ITPRIP: variants seen among roughly 807,000 people sequenced by gnomAD.
The protein encoded by ITPRIP is inositol 1,4,5-trisphosphate receptor interacting protein.
Under a neutral mutation model 35.8 loss-of-function variants are expected in ITPRIP, and 32 were observed. That is an observed-to-expected ratio of 0.89 (90% CI 0.68 to 1.20). ITPRIP has a LOEUF of 1.20. Among genes scored for constraint, ITPRIP ranks in the 50% most tolerant of loss-of-function variants. The probability of loss-of-function intolerance (pLI) is 0.00; values close to 1 mark genes in which losing one functional copy is unlikely to be tolerated. For missense variants in ITPRIP, 653 were observed against 735.6 expected (o/e 0.89, Z 1.30); for synonymous variants, 358 against 324.0 (o/e 1.11, Z -1.13).
At chr10:104,329,446 G>C (rs1212219109) in intron 1 of ITPRIP, among the ~76,000 whole-genome samples, 1 of 152,122 alleles carries the variant, frequency 6.6e-6, no homozygotes, top group Non-Finnish European at 1.5e-5. Flanking sequence ...TCACAGGGAC[G>C]GAGCAATAAG....
chr10:104,336,141 A>G (rs1346544886), intron 1 of ITPRIP, among the ~76,000 whole-genome samples: 1 of 152,152 alleles, frequency 6.6e-6, no homozygotes, highest in African/African-American at 2.4e-5. Context: ...ATCAAGCCCC[A>G]TCCTCTTGCC....
intron 1 of ITPRIP, among the ~76,000 whole-genome samples, chr10:104,320,672 G>A (rs1046621624): frequency 4.0e-5 from 6 of 151,864 alleles, no homozygotes; most frequent in Non-Finnish European, 4.4e-5. Flanking sequence ...TGAGTAGCTG[G>A]GACTACAGGC....
At chr10:104,327,900 G>C (rs1487292919) in intron 1 of ITPRIP, among the ~76,000 whole-genome samples, 1 of 152,216 alleles carries the variant, frequency 6.6e-6, no homozygotes, top group African/African-American at 2.4e-5. Flanking sequence ...GCCCTGGTGT[G>C]CCCGACAGCT....
At chr10:104,329,256 CAGCCCTCCCACACCAGTT>C in intron 1 of ITPRIP, among the ~76,000 whole-genome samples, 1 of 139,916 alleles carries the variant, frequency 7.1e-6, no homozygotes, top group African/African-American at 3.4e-5. Context: ...GGGCCTCTGC[CAGCCCTCCCACACCAGTT>C]AGTCAGAGCA....
chr10:104,315,196 G>A lies in ITPRIP; in HGVS notation c.856C>T (p.Leu286=). ...MAPPCGDMEN[L]LCATDSLYLD... ...TACAGGGAATCTGTGGCACACAGCA[G>A]GTTCTCCATGTCGCCGCAGGGAGGC... Residue 286 remains leucine, a synonymous_variant, in exon 2 of 2, where the codon CTG becomes TTG. Transcript: ENST00000337478. The surrounding 1 kb of genome is among the most constrained non-coding windows in gnomAD (Gnocchi z 5.7). The A allele has an allele frequency of 6.2e-7, 1 of 1,614,118 alleles. No individual in the cohort carries two copies. Among genetic ancestry groups the A allele is most frequent in the Non-Finnish European group, 8.5e-7 (1 of 1,179,988 alleles).
rs2013447089 is a variant in ITPRIP, at chr10:104,310,039, G to A, written c.*4369C>T. 1 of 152,216 alleles carries A rather than the reference G, an allele frequency of 6.6e-6. No individual in the cohort carries two copies. The highest frequency in any genetic ancestry group is 6.5e-5 in the Admixed American group (1 of 15,290). 9.4% of individuals were successfully genotyped at this position (152,216 alleles called of 1,614,324 possible). On this transcript the variant is annotated 3_prime_UTR_variant, in exon 2 of 2. Coordinates refer to ENST00000337478, the MANE Select transcript of ITPRIP (RefSeq NM_001272013.2). ...ACAGGGGTGGGGCAAGGCAGAGTGG[G>A]GCGGAGAGGGAGGGCCCTGTTGAAG...
rs771735398 is a variant in ITPRIP, at chr10:104,313,328, G to A, written c.*1080C>T. 3.6e-4 allele frequency: 359 copies of A among 986,324 alleles called. 2 individuals carry two copies. Among genetic ancestry groups the A allele is most frequent in the African/African-American group, 2.8e-4 (16 of 57,388 alleles). The allele number at this position is 986,324 out of a possible 1,614,324, so 61.1% of individuals were successfully genotyped here. ...GGGTAGCATTTTTGAGCACCTCATC[G>A]AAGGAGTCTACTGTCTTACAGCAGA... On this transcript the variant is annotated 3_prime_UTR_variant, in exon 2 of 2. Transcript: ENST00000337478.
At position 104,314,185 on chromosome 10, in the gene ITPRIP, A is replaced by T; in HGVS notation, c.*223T>A. ...CTGCAAGGGATCAGTCCCTAAACCC[A>T]AATAACAGCTTTACCAGCAGATCCC... On this transcript the variant is annotated 3_prime_UTR_variant, in exon 2 of 2. Transcript: ENST00000337478. 1.2e-5 allele frequency: 17 copies of T among 1,360,932 alleles called. No homozygotes were observed. Among genetic ancestry groups the T allele is most frequent in the Non-Finnish European group, 1.6e-5 (17 of 1,059,284 alleles). 84.3% of individuals were successfully genotyped at this position (1,360,932 alleles called of 1,614,324 possible).
chr10:104,331,233 G>A (rs777726277), intron 1 of ITPRIP, among the ~76,000 whole-genome samples: 1 of 152,240 alleles, frequency 6.6e-6, no homozygotes, highest in Non-Finnish European at 1.5e-5. Context: ...CACAGGGGTA[G>A]GACCCAGGCA....
chr10:104,312,508 G>T lies in ITPRIP; in HGVS notation c.*1900C>A. The T allele has an allele frequency of 4.7e-6, 2 of 425,224 alleles. No individual in the cohort carries two copies. The highest frequency in any genetic ancestry group is 6.3e-6 in the Non-Finnish European group (2 of 317,648). The allele number at this position is 425,224 out of a possible 1,614,324, so 26.3% of individuals were successfully genotyped here. On this transcript the variant is annotated 3_prime_UTR_variant, in exon 2 of 2. Transcript: ENST00000337478. The stretch of plus-strand genomic sequence containing the variant: ...CATCTGATGGAATGAGGAGGGTCAG[G>T]CTGTGAGGGATTGGGGGTAGCTCCA...
At chr10:104,316,382 G>A (rs1235335375) in intron 1 of ITPRIP, among the ~76,000 whole-genome samples, 1 of 152,132 alleles carries the variant, frequency 6.6e-6, no homozygotes, top group African/African-American at 2.4e-5. Context: ...AGCTCCTGGG[G>A]TGGGCTCAAA....
chr10:104,320,290 G>A (rs1047487310), intron 1 of ITPRIP, among the ~76,000 whole-genome samples: 21 of 152,062 alleles, frequency 1.4e-4, no homozygotes, highest in African/African-American at 3.6e-4. Context: ...TCTGAAACTC[G>A]CTTCCTGGGA....
rs760582928 is a variant in ITPRIP, at chr10:104,315,417, A to G, written c.635T>C (p.Val212Ala). 2.2e-5 allele frequency: 35 copies of G among 1,591,232 alleles called. No individual in the cohort carries two copies. The highest frequency in any genetic ancestry group is 2.5e-5 in the Non-Finnish European group (29 of 1,165,794). ...GTAGGGCTCGGGGGGTGTGAAGGGCACGAAAAGGTGGCACAGCAGTGGCCT... is the reference window on the plus strand; with the variant it reads ...GTAGGGCTCGGGGGGTGTGAAGGGCGCGAAAAGGTGGCACAGCAGTGGCCT... ...VDRPLLCHLF[V>A]PFTPPEPYRF... The change falls in exon 2 of 2, where the codon GTG becomes GCG. Residue 212 changes from valine to alanine, a missense_variant. Transcript: ENST00000337478. This position sits in a 1 kb window ranked among gnomAD's most constrained non-coding sequence, Gnocchi z 5.7.
rs930936727 is a variant in ITPRIP at position 104,328,305 on chromosome 10, C to A, written c.-14+9941G>T. ...TCCGAATTTCCCCTAGCCCTGTGGC[C>A]GCATCTCACCCACAAGGGTGCTGGT... On this transcript the variant is annotated intron_variant, in intron 1 of 1. Coordinates refer to ENST00000337478, the MANE Select transcript of ITPRIP (RefSeq NM_001272013.2). The surrounding 1 kb of genome is among the most constrained non-coding windows in gnomAD (Gnocchi z 4.1). 17 of 985,212 alleles carry A rather than the reference C, an allele frequency of 1.7e-5. No homozygotes were observed. The highest frequency in any genetic ancestry group is 3.5e-5 in the African/African-American group (2 of 57,204). 61.0% of individuals were successfully genotyped at this position (985,212 alleles called of 1,614,324 possible).
rs533115811 is a variant in ITPRIP at position 104,323,692 on chromosome 10, G to A, written c.-13-7628C>T. On this transcript the variant is annotated intron_variant, in intron 1 of 1. Coordinates refer to ENST00000337478, the MANE Select transcript of ITPRIP (RefSeq NM_001272013.2). ...TCATGGGCGGGCGGTCTGAGCCATC[G>A]TGAAACCCTCCTCCCATGGCCCAGC... 1.3e-3 allele frequency: 199 copies of A among 152,480 alleles called. 1 individual carries two copies. The highest frequency in any genetic ancestry group is 2.2e-3 in the Non-Finnish European group (152 of 68,134). 9.4% of individuals were successfully genotyped at this position (152,480 alleles called of 1,614,324 possible). A position where few individuals can be genotyped will look rare whatever the true frequency, so the allele number is the denominator to read the frequency against.
rs370204370 is a variant in ITPRIP, at chr10:104,327,815, G to C, written c.-14+10431C>G. ...GGGGGCCATCAGCCTCATGTCCCTG[G>C]CAGGAGCCCAAGGTGCTGAGAGGTG... On this transcript the variant is annotated intron_variant, in intron 1 of 1. Transcript: ENST00000337478. Among the ~76,000 whole-genome samples, 3 of 152,198 alleles carry C rather than the reference G, an allele frequency of 2.0e-5. 1 individual carries two copies. The highest frequency in any genetic ancestry group is 1.9e-4 in the East Asian group (1 of 5,184).
Position 104,333,354 on chromosome 10 carries a change from T to G in ITPRIP, c.-14+4892A>C, listed in dbSNP as rs1324295715. On this transcript the variant is annotated intron_variant, in intron 1 of 1. Transcript: ENST00000337478. This position sits in a 1 kb window ranked among gnomAD's most constrained non-coding sequence, Gnocchi z 4.1. The stretch of plus-strand genomic sequence containing the variant: ...GAAACACACCTGTGAACGTTACACC[T>G]TCTATGTCCCTTCCCTTCAACATGC... 2 of 152,358 alleles carry G rather than the reference T, an allele frequency of 1.3e-5. No homozygotes were observed. The highest frequency in any genetic ancestry group is 2.9e-5 in the Non-Finnish European group (2 of 68,142). 9.4% of individuals were successfully genotyped at this position (152,358 alleles called of 1,614,324 possible).
intron 1 of ITPRIP, among the ~76,000 whole-genome samples, chr10:104,318,360 T>G (rs1288339097): frequency 1.3e-5 from 2 of 151,984 alleles, no homozygotes; most frequent in Non-Finnish European, 2.9e-5. Flanking sequence ...AGGAGATAAT[T>G]TGGGGGGTTT....
rs2013518334 is a variant in ITPRIP at position 104,312,707 on chromosome 10, C to G, written c.*1701G>C. Reference sequence around the variant, plus strand: ...CGAGCTGCCCCACCAGGAATTAACCCTGGTGGGCAAAGGGTCCATCTTCTC... The same window carrying G: ...CGAGCTGCCCCACCAGGAATTAACCGTGGTGGGCAAAGGGTCCATCTTCTC... On this transcript the variant is annotated 3_prime_UTR_variant, in exon 2 of 2. Transcript: ENST00000337478. The G allele has an allele frequency of 2.0e-6, 2 of 985,242 alleles. No homozygotes were observed. Among genetic ancestry groups the G allele is most frequent in the Middle Eastern group, 5.2e-4 (1 of 1,936 alleles). 61.0% of individuals were successfully genotyped at this position (985,242 alleles called of 1,614,324 possible).
Sources: allele counts gnomAD v4.1 joint callset (sites outside exome capture counted in the v4.1 genomes callset), GRCh38; gene constraint gnomAD v4.1.1; non-coding constraint Gnocchi (gnomAD v3.1); transcripts MANE v1.5; gene names NCBI Gene and HGNC (gene_info 2026-07-23, HGNC 2026-07-21).